KCNQ3: variants seen among roughly 807,000 people sequenced by gnomAD.
KCNQ3 encodes the protein potassium voltage-gated channel subfamily KQT member 3.
Under a neutral mutation model 92.5 loss-of-function variants are expected in KCNQ3, and 30 were observed. The ratio of observed to expected loss-of-function variants is 0.32; its 90% CI spans 0.24 to 0.44. The LOEUF (loss-of-function observed/expected upper bound fraction) is 0.44, where lower values mean the gene tolerates loss of function less well. Among genes scored for constraint, KCNQ3 ranks in the 20% least tolerant of loss-of-function variants. The probability of loss-of-function intolerance (pLI) is 1.00; values close to 1 mark genes in which losing one functional copy is unlikely to be tolerated. For synonymous variants in KCNQ3, 450 were observed against 468.8 expected, an observed-to-expected ratio of 0.96 and a Z score of 0.52; for missense variants, 913 against 1,140.3, an observed-to-expected ratio of 0.80 and a Z score of 2.87.
At chr8:132,252,624 G>T (rs1815450620) in intron 1 of KCNQ3, among the ~76,000 whole-genome samples, 2 of 152,110 alleles carry the variant, frequency 1.3e-5, no homozygotes, top group South Asian at 4.1e-4. Flanking sequence ...CCCTTATTTG[G>T]CCCCACCTAC....
intron 1 of KCNQ3, among the ~76,000 whole-genome samples, chr8:132,318,952 C>T (rs1817819452): frequency 6.6e-6 from 1 of 152,126 alleles, no homozygotes; most frequent in Non-Finnish European, 1.5e-5. Flanking sequence ...AGGTTGGAGA[C>T]TTAAAAAGTA....
At chr8:132,341,353 G>A (rs999274631) in intron 1 of KCNQ3, among the ~76,000 whole-genome samples, 6 of 152,136 alleles carry the variant, frequency 3.9e-5, no homozygotes, top group African/African-American at 7.2e-5. Flanking sequence ...CTGAAGGCAC[G>A]TTTTCTCCGT....
At chr8:132,292,431 T>C (rs1816886156) in intron 1 of KCNQ3, among the ~76,000 whole-genome samples, 1 of 152,200 alleles carries the variant, frequency 6.6e-6, no homozygotes, top group African/African-American at 2.4e-5. Flanking sequence ...GGTAATAATT[T>C]GAAGAGCTAG....
chr8:132,223,081 G>A (rs1814288085), intron 1 of KCNQ3, among the ~76,000 whole-genome samples: 1 of 152,162 alleles, frequency 6.6e-6, no homozygotes, highest in South Asian at 2.1e-4. Context: ...TTTCAAATGT[G>A]TAAATTCATA....
chr8:132,453,897 T>C (rs1322005441), intron 1 of KCNQ3, among the ~76,000 whole-genome samples: 1 of 152,066 alleles, frequency 6.6e-6, no homozygotes, highest in African/African-American at 2.4e-5. Context: ...CGGAAGCCAG[T>C]GGCATTCAGG....
rs139392966 is a variant in KCNQ3 at position 132,260,331 on chromosome 8, C to T, written c.387-74150G>A. 4.1e-3 allele frequency among the ~76,000 whole-genome samples: 626 copies of T among 152,260 alleles called. 5 individuals are homozygous for T. The highest frequency in any genetic ancestry group is 0.014 in the African/African-American group (579 of 41,556). ...CAAGGAATATGAATATGTATTCATT[C>T]ACCTAACAATTATTTACTAAACAAG... On this transcript the variant is annotated intron_variant, in intron 1 of 14. Transcript: ENST00000388996.
At chr8:132,172,318 T>C (rs1045103542) in intron 7 of KCNQ3, among the ~76,000 whole-genome samples, 1 of 151,264 alleles carries the variant, frequency 6.6e-6, no homozygotes, top group Admixed American at 6.6e-5. Flanking sequence ...ACAGGTGAAA[T>C]AGATACCCAT....
intron 9 of KCNQ3, among the ~76,000 whole-genome samples, chr8:132,155,731 G>A (rs969112731): frequency 2.0e-5 from 3 of 152,178 alleles, no homozygotes; most frequent in African/African-American, 4.8e-5. Context: ...GACCTGAAGC[G>A]GCTTGGAAAT....
chr8:132,318,334 G>A (rs1402169209), intron 1 of KCNQ3, among the ~76,000 whole-genome samples: 3 of 152,286 alleles, frequency 2.0e-5, no homozygotes, highest in African/African-American at 7.2e-5. Flanking sequence ...CTGACATTTG[G>A]GAAAGTCTCA....
At chr8:132,255,354 T>C (rs1210483408) in intron 1 of KCNQ3, among the ~76,000 whole-genome samples, 1 of 152,152 alleles carries the variant, frequency 6.6e-6, no homozygotes, top group African/African-American at 2.4e-5. Context: ...GAGAAGTTTG[T>C]TGAAAACAAG....
intron 1 of KCNQ3, among the ~76,000 whole-genome samples, chr8:132,268,332 T>G (rs2130491026): frequency 6.6e-6 from 1 of 152,310 alleles, no homozygotes; most frequent in South Asian, 2.1e-4. Flanking sequence ...CAGCGCGATC[T>G]TGGCTCACTG....
chr8:132,461,585 A>AAAAGC (rs1822063288), intron 1 of KCNQ3, among the ~76,000 whole-genome samples: 1 of 152,142 alleles, frequency 6.6e-6, no homozygotes, highest in South Asian at 2.1e-4. Flanking sequence ...AAAAGAAAAG[A>AAAAGC]AAAGGCACCC....
chr8:132,472,593 C>T lies in KCNQ3; in HGVS notation c.386+7554G>A, dbSNP rs556034489. On this transcript the variant is annotated intron_variant, in intron 1 of 14. Coordinates refer to ENST00000388996, the MANE Select transcript of KCNQ3 (RefSeq NM_004519.4). ...GAGTAGAGAATAAAATGATAGATAC[C>T]AGAGGCTTGGAAGGATGAATGTGCA... Among the ~76,000 whole-genome samples, 7 of 152,104 alleles carry T rather than the reference C, an allele frequency of 4.6e-5. No homozygotes were observed. In the South Asian group the frequency reaches 1.0e-3, roughly 23 times the overall value.
intron 1 of KCNQ3, among the ~76,000 whole-genome samples, chr8:132,198,220 G>A (rs965847708): frequency 1.2e-4 from 18 of 152,332 alleles, no homozygotes; most frequent in Admixed American, 8.5e-4. Flanking sequence ...AAGCTTGGAA[G>A]AGAATCCTTC....
At chr8:132,434,641 T>A (rs993911876) in intron 1 of KCNQ3, among the ~76,000 whole-genome samples, 2 of 152,204 alleles carry the variant, frequency 1.3e-5, no homozygotes, top group African/African-American at 4.8e-5. Context: ...ACTCAAAAGT[T>A]TTAAGCAAAA....
At chr8:132,236,863 G>T (rs1814832785) in intron 1 of KCNQ3, among the ~76,000 whole-genome samples, 2 of 152,176 alleles carry the variant, frequency 1.3e-5, no homozygotes. Flanking sequence ...AAGATGAAGG[G>T]GACCATGGGT....
At chr8:132,409,494 C>T (rs2130795232) in intron 1 of KCNQ3, among the ~76,000 whole-genome samples, 1 of 152,226 alleles carries the variant, frequency 6.6e-6, no homozygotes, top group African/African-American at 2.4e-5. Flanking sequence ...CTCAGAATTC[C>T]CACAGCAAAT....
At chr8:132,385,946 T>A (rs745849502) in intron 1 of KCNQ3, among the ~76,000 whole-genome samples, 2 of 149,008 alleles carry the variant, frequency 1.3e-5, no homozygotes, top group Non-Finnish European at 3.0e-5. Flanking sequence ...AAAAAAAAAA[T>A]CAAGTCTAAC....
In KCNQ3 at chr8:132,150,073, C is replaced by CT. The variant is rs3048520; in HGVS notation, c.1263-8743dup. Reference sequence around the variant, plus strand: ...GTCAGCAGACGACTTTTAAACAAAGCTTTTTTTTTTTTTTCCTTTTGGAAG... The same window carrying CT: ...GTCAGCAGACGACTTTTAAACAAAGCTTTTTTTTTTTTTTTCCTTTTGGAAG... On this transcript the variant is annotated intron_variant, in intron 9 of 14. Transcript: ENST00000388996. Among the ~76,000 whole-genome samples the CT allele has an allele frequency of 9.9e-4, 146 of 147,524 alleles. No individual in the cohort carries two copies. In the East Asian group the frequency reaches 0.011, roughly 11 times the overall value.
Sources: gnomAD v4.1 joint callset for allele counts (sites outside exome capture counted in the v4.1 genomes callset) on GRCh38, gnomAD v4.1.1 for gene constraint, MANE v1.5 for transcripts, NCBI Gene and HGNC (gene_info 2026-07-23, HGNC 2026-07-21) for gene names.